Variants in RORA observed in about 807,000 individuals in gnomAD.
RORA encodes RAR related orphan receptor A, also known as nuclear receptor ROR-alpha.
RORA carries 7 observed loss-of-function variants against 69.5 expected under a neutral mutation model. That is an observed-to-expected ratio of 0.10 (90% CI 0.06 to 0.19). The LOEUF (loss-of-function observed/expected upper bound fraction) is 0.19. Among genes scored for constraint, RORA ranks in the 10% least tolerant of loss-of-function variants. RORA has a pLI of 1.00. For synonymous variants in RORA, 261 were observed against 240.8 expected, an observed-to-expected ratio of 1.08 and a Z score of -0.78; for missense variants, 457 against 663.0, an observed-to-expected ratio of 0.69 and a Z score of 3.41.
At chr15:60,584,981 G>A (rs1177307056) in intron 2 of RORA, among the ~76,000 whole-genome samples, 1 of 151,870 alleles carries the variant, frequency 6.6e-6, no homozygotes, top group Non-Finnish European at 1.5e-5. Context: ...TTCATGAAAC[G>A]CTGCAATTTC....
intron 1 of RORA, among the ~76,000 whole-genome samples, chr15:60,726,609 C>G (rs16943012): frequency 0.086 from 13,044 of 152,270 alleles, 607 homozygotes; most frequent in Admixed American, 0.13. Context: ...AAGGTAGTTC[C>G]TCAGCTTTGC....
At chr15:60,619,268 A>G (rs1243996735) in intron 2 of RORA, among the ~76,000 whole-genome samples, 2 of 152,236 alleles carry the variant, frequency 1.3e-5, no homozygotes, top group Non-Finnish European at 2.9e-5. Context: ...TCAATGGATC[A>G]TCTTTCTTTG....
At chr15:61,077,746 T>A (rs941772804) in intron 1 of RORA, among the ~76,000 whole-genome samples, 6 of 152,234 alleles carry the variant, frequency 3.9e-5, no homozygotes, top group Admixed American at 1.3e-4. Flanking sequence ...CTAATGCCCA[T>A]AATTCTTTAT....
intron 1 of RORA, among the ~76,000 whole-genome samples, chr15:60,680,823 T>G (rs182512296): frequency 1.3e-5 from 2 of 152,328 alleles, no homozygotes; most frequent in African/African-American, 4.8e-5. Flanking sequence ...TTATATTTAT[T>G]ATAGCCAATG....
intron 1 of RORA, among the ~76,000 whole-genome samples, chr15:60,699,902 T>A (rs941209395): frequency 6.6e-6 from 1 of 152,164 alleles, no homozygotes; most frequent in Non-Finnish European, 1.5e-5. Flanking sequence ...TAGGATTATA[T>A]TCCTGAAGCT....
intron 1 of RORA, among the ~76,000 whole-genome samples, chr15:60,875,109 A>G (rs1449025129): frequency 6.6e-6 from 1 of 152,120 alleles, no homozygotes; most frequent in Non-Finnish European, 1.5e-5. Context: ...CCCCTAGCTT[A>G]CTGACCCCTA....
chr15:61,207,488 C>T (rs1445216132), intron 1 of RORA, among the ~76,000 whole-genome samples: 1 of 152,230 alleles, frequency 6.6e-6, no homozygotes, highest in Non-Finnish European at 1.5e-5. Flanking sequence ...CGTGGTTTCA[C>T]TCACAACATG....
At chr15:61,216,940 G>A (rs946513550) in intron 1 of RORA, among the ~76,000 whole-genome samples, 91 of 152,158 alleles carry the variant, frequency 6.0e-4, no homozygotes, top group Non-Finnish European at 2.8e-4. Flanking sequence ...AACACGTCCA[G>A]CTTTGGTCTG....
chr15:60,699,454 T>C (rs1202962397), intron 1 of RORA, among the ~76,000 whole-genome samples: 1 of 152,330 alleles, frequency 6.6e-6, no homozygotes, highest in South Asian at 2.1e-4. Context: ...CCGAGAGGTA[T>C]GTCACTGTGT....
intron 1 of RORA, among the ~76,000 whole-genome samples, chr15:60,854,058 T>A (rs1416801509): frequency 6.6e-6 from 1 of 152,076 alleles, no homozygotes; most frequent in Non-Finnish European, 1.5e-5. Flanking sequence ...GGTGAAGAGA[T>A]CGAGACCATC....
chr15:61,029,850 G>A (rs1251433008), intron 1 of RORA, among the ~76,000 whole-genome samples: 1 of 152,180 alleles, frequency 6.6e-6, no homozygotes, highest in Non-Finnish European at 1.5e-5. Context: ...AAAGGGCCAC[G>A]AGGAAGACAG....
At chr15:60,778,565 T>G (rs1448101142) in intron 1 of RORA, among the ~76,000 whole-genome samples, 4 of 152,154 alleles carry the variant, frequency 2.6e-5, no homozygotes, top group Admixed American at 1.3e-4. Flanking sequence ...TAATGCCTTA[T>G]GTACAAATTT....
chr15:60,836,386 T>C (rs1567208325), intron 1 of RORA, among the ~76,000 whole-genome samples: 1 of 152,204 alleles, frequency 6.6e-6, no homozygotes, highest in Non-Finnish European at 1.5e-5. Flanking sequence ...GGACACTGGT[T>C]GTCCTTGAAT....
At chr15:60,598,373 G>T (rs2068742968) in intron 2 of RORA, 1 of 152,084 alleles carries the variant, frequency 6.6e-6, no homozygotes, top group South Asian at 2.1e-4. Flanking sequence ...ACATGTGTAG[G>T]TTCACTTATG....
At chr15:60,668,942 G>A (rs1037747961) in intron 2 of RORA, among the ~76,000 whole-genome samples, 4 of 152,196 alleles carry the variant, frequency 2.6e-5, no homozygotes, top group Non-Finnish European at 5.9e-5. Flanking sequence ...TCTTTGTGCT[G>A]ATGAAAAAGT....
chr15:60,925,093 T>TAATAAAATAAAATAAAATAA (rs59752102), intron 1 of RORA, among the ~76,000 whole-genome samples: 2 of 139,980 alleles, frequency 1.4e-5, no homozygotes, highest in Admixed American at 7.2e-5. Context: ...ATAAATAAAT[T>TAATAAAATAAAATAAAATAA]AATAAAATAA....
At chr15:61,170,228 A>G (rs774280377) in intron 1 of RORA, among the ~76,000 whole-genome samples, 1 of 152,238 alleles carries the variant, frequency 6.6e-6, no homozygotes, top group Non-Finnish European at 1.5e-5. Context: ...AGAAGTCTTC[A>G]AATCAAGGAG....
chr15:60,834,268 G>A (rs939867391), intron 1 of RORA, among the ~76,000 whole-genome samples: 2 of 152,146 alleles, frequency 1.3e-5, no homozygotes, highest in Non-Finnish European at 2.9e-5. Context: ...TTACTCTCAT[G>A]TTTTCATTTC....
chr15:60,853,305 C>G (rs1188889716), intron 1 of RORA, among the ~76,000 whole-genome samples: 4 of 152,138 alleles, frequency 2.6e-5, no homozygotes, highest in African/African-American at 9.7e-5. Flanking sequence ...AGTATGTAGG[C>G]TTTCATAAGG....
Sources: gnomAD v4.1 joint callset for allele counts (sites outside exome capture counted in the v4.1 genomes callset) on GRCh38, gnomAD v4.1.1 for gene constraint, MANE v1.5 for transcripts, NCBI Gene and HGNC (gene_info 2026-07-23, HGNC 2026-07-21) for gene names.